MTAP: variants seen among roughly 807,000 people sequenced by gnomAD.
The protein encoded by MTAP is methylthioadenosine phosphorylase.
Under a neutral mutation model 33.6 loss-of-function variants are expected in MTAP, and 33 were observed. The observed-to-expected ratio is 0.98, with a 90% confidence interval of 0.74 to 1.31. MTAP has a LOEUF of 1.31. Ranked by LOEUF, MTAP falls within the 40% of genes most tolerant of loss-of-function variation. The pLI, the probability that MTAP is intolerant of heterozygous loss-of-function variation, is 0.00. For synonymous variants in MTAP, 148 were observed against 125.7 expected, an observed-to-expected ratio of 1.18 and a Z score of -1.19; for missense variants, 367 against 360.0, an observed-to-expected ratio of 1.02 and a Z score of -0.16.
chr9:21,939,219 G>GT (rs1819094740), downstream of MTAP, among the ~76,000 whole-genome samples: 1 of 152,210 alleles, frequency 6.6e-6, no homozygotes, highest in Non-Finnish European at 1.5e-5. Context: ...ACGTGGAACT[G>GT]TAAGTCCAAT....
At chr9:21,882,488 T>G (rs1818031329) in intron 1 of MTAP, among the ~76,000 whole-genome samples, 1 of 152,164 alleles carries the variant, frequency 6.6e-6, no homozygotes, top group East Asian at 1.9e-4. Context: ...GTAACTGATC[T>G]ATGTATTCAA....
chr9:21,901,720 G>T (rs1818396284), intron 1 of MTAP, among the ~76,000 whole-genome samples: 1 of 152,150 alleles, frequency 6.6e-6, no homozygotes, highest in African/African-American at 2.4e-5. Flanking sequence ...GCCACAAGGA[G>T]GAAATGAGGT....
Position 21,876,608 on chromosome 9 carries a change from C to A in MTAP, c.147+21738C>A, listed in dbSNP as rs141004532. ...ATATGACTAACCAGTTATCCCAACA[C>A]CATTTATTGAATAGGGAATCTTTTC... On this transcript the variant is annotated intron_variant, in intron 1 of 1. Coordinates refer to the MTAP transcript ENST00000577563. Among the ~76,000 whole-genome samples the A allele has an allele frequency of 2.0e-5, 3 of 152,230 alleles. No homozygotes were observed. In the East Asian group the frequency reaches 5.8e-4, roughly 29 times the overall value.
chr9:21,918,374 A>AAAAT (rs1818730550), intron 1 of MTAP, among the ~76,000 whole-genome samples: 1 of 148,496 alleles, frequency 6.7e-6, no homozygotes, highest in Non-Finnish European at 1.5e-5. Flanking sequence ...AAAAAAAAAA[A>AAAAT]GAGTGATTAA....
At chr9:21,885,783 T>G (rs1818098823) in intron 1 of MTAP, among the ~76,000 whole-genome samples, 1 of 38,178 alleles carries the variant, frequency 2.6e-5, no homozygotes. Context: ...TTACATGGTG[T>G]GTGTGTGTGT....
At chr9:21,849,150 C>A (rs1207324521) in intron 5 of MTAP, among the ~76,000 whole-genome samples, 1 of 152,200 alleles carries the variant, frequency 6.6e-6, no homozygotes, top group Non-Finnish European at 1.5e-5. Context: ...AGACCCAGAA[C>A]CCCTTGAATG....
intron 1 of MTAP, among the ~76,000 whole-genome samples, chr9:21,909,650 G>A (rs959763148): frequency 6.6e-6 from 1 of 152,022 alleles, no homozygotes; most frequent in African/African-American, 2.4e-5. Flanking sequence ...GAATCTATGT[G>A]GCCTGAAAAG....
downstream of MTAP, chr9:21,934,461 C>T (rs372744067): frequency 1.3e-5 from 2 of 152,104 alleles, no homozygotes; most frequent in South Asian, 2.1e-4. The surrounding 1 kb of genome is among the most constrained non-coding windows in gnomAD (Gnocchi z 5.0). Context: ...CTAAAGCAGG[C>T]ATGTCTTCAG....
chr9:21,806,605 GA>G (rs1391418930), intron 1 of MTAP, among the ~76,000 whole-genome samples: 1 of 152,090 alleles, frequency 6.6e-6, no homozygotes, highest in East Asian at 1.9e-4. Flanking sequence ...TGCAGTGAGA[GA>G]TGGTCCAGGC....
intron 1 of MTAP, among the ~76,000 whole-genome samples, chr9:21,897,414 C>G (rs1190129510): frequency 6.6e-6 from 1 of 152,026 alleles, no homozygotes; most frequent in Non-Finnish European, 1.5e-5. Context: ...TAAAGGGTAT[C>G]CAATGAGGAA....
intron 4 of MTAP, among the ~76,000 whole-genome samples, chr9:21,830,757 A>G (rs1824945683): frequency 6.6e-6 from 1 of 152,184 alleles, no homozygotes; most frequent in African/African-American, 2.4e-5. Flanking sequence ...GGGAAAAAAG[A>G]CCTCATAAAA....
chr9:21,804,613 T>G (rs1331653658), intron 1 of MTAP, among the ~76,000 whole-genome samples: 1 of 152,154 alleles, frequency 6.6e-6, no homozygotes, highest in Non-Finnish European at 1.5e-5. Context: ...AGCACCGTAT[T>G]CCCCAGACTT....
intron 1 of MTAP, among the ~76,000 whole-genome samples, chr9:21,885,524 C>G (rs963308711): frequency 1.3e-5 from 2 of 151,992 alleles, no homozygotes; most frequent in Admixed American, 1.3e-4. Context: ...CACCCATCAC[C>G]CAAGCAGTGT....
In MTAP at chr9:21,864,589, C is replaced by T. The variant is rs1030006074; in HGVS notation, c.*2575C>T. The T allele has an allele frequency of 7.9e-5, 78 of 985,366 alleles. No individual in the cohort carries two copies. The highest frequency in any genetic ancestry group is 9.2e-5 in the Non-Finnish European group (76 of 830,004). 61.0% of individuals were successfully genotyped at this position (985,366 alleles called of 1,614,324 possible). On this transcript the variant is annotated 3_prime_UTR_variant, in exon 8 of 8. Coordinates refer to ENST00000644715, the MANE Select transcript of MTAP (RefSeq NM_002451.4). ...AATGACATCCTGGCCCTGTGGTCCCCGAGGGTCATGGTCCTTGTGACCTGG... is the reference window on the plus strand; with the variant it reads ...AATGACATCCTGGCCCTGTGGTCCCTGAGGGTCATGGTCCTTGTGACCTGG...
At chr9:21,913,936 A>G (rs1818629285) in intron 1 of MTAP, among the ~76,000 whole-genome samples, 2 of 152,240 alleles carry the variant, frequency 1.3e-5, no homozygotes, top group African/African-American at 4.8e-5. Flanking sequence ...ATTTACAAGA[A>G]AAAATCGAAC....
At chr9:21,845,902 G>A (rs780311569) in intron 5 of MTAP, among the ~76,000 whole-genome samples, 23 of 152,228 alleles carry the variant, frequency 1.5e-4, no homozygotes, top group Non-Finnish European at 2.9e-4. Flanking sequence ...GCATGGTACT[G>A]GTATAAAAGT....
In MTAP at chr9:21,865,062, A is replaced by T. The variant is rs1379754759; in HGVS notation, c.*3048A>T. 2.0e-6 allele frequency: 2 copies of T among 985,342 alleles called. No homozygotes were observed. Among genetic ancestry groups the T allele is most frequent in the African/African-American group, 3.5e-5 (2 of 57,244 alleles). The allele number at this position is 985,342 out of a possible 1,614,324, so 61.0% of individuals were successfully genotyped here. Reference sequence around the variant, plus strand: ...TGAGGAGTTCTTGCCACATTTGCAGAGTCCCTCCTTGATAAGGTTTGGCGG... The same window carrying T: ...TGAGGAGTTCTTGCCACATTTGCAGTGTCCCTCCTTGATAAGGTTTGGCGG... On this transcript the variant is annotated 3_prime_UTR_variant, in exon 8 of 8. Transcript: ENST00000644715.
At chr9:21,884,683 A>C (rs2118717818) in intron 1 of MTAP, among the ~76,000 whole-genome samples, 1 of 152,176 alleles carries the variant, frequency 6.6e-6, no homozygotes, top group South Asian at 2.1e-4. Flanking sequence ...CTCTTCTTAT[A>C]AGGACACTAA....
chr9:21,933,267 A>G (rs1818991005), downstream of MTAP: 1 of 152,216 alleles, frequency 6.6e-6, no homozygotes. Flanking sequence ...TGGCATAAAG[A>G]TTATTTTGAG....
Sources: allele counts gnomAD v4.1 joint callset (sites outside exome capture counted in the v4.1 genomes callset), GRCh38; gene constraint gnomAD v4.1.1; non-coding constraint Gnocchi (gnomAD v3.1); transcripts MANE v1.5; gene names NCBI Gene and HGNC (gene_info 2026-07-23, HGNC 2026-07-21).